The following SLC9D1 variants were observed in gnomAD, a reference collection of about 807,000 sequenced individuals.
SLC9D1 encodes solute carrier family 9 member D1, also known as putative LAG1-interacting protein.
At chr13:113,527,566 A>G in the SLC9D1 span, 1 of 152,186 alleles carries the variant, frequency 6.6e-6, no homozygotes, top group African/African-American at 2.4e-5. Flanking sequence ...TCTCGAAGGA[A>G]TGAGGGGTTT....
At chr13:113,513,298 CAA>C in the SLC9D1 span, among the ~76,000 whole-genome samples, 1 of 152,126 alleles carries the variant, frequency 6.6e-6, no homozygotes, top group African/African-American at 2.4e-5. Context: ...TTCTGATGTG[CAA>C]AGACCCCAGA....
the SLC9D1 span, among the ~76,000 whole-genome samples, chr13:113,508,401 G>A: frequency 3.9e-5 from 6 of 152,368 alleles, no homozygotes; most frequent in Admixed American, 3.3e-4. Context: ...TGCAGCCAGC[G>A]TGGACAGCAC....
the SLC9D1 span, chr13:113,501,666 A>G: frequency 2.9e-6 from 3 of 1,040,392 alleles, no homozygotes; most frequent in Middle Eastern, 2.1e-4. Context: ...TCGGGGAACT[A>G]CGTCCTGTTC....
the SLC9D1 span, among the ~76,000 whole-genome samples, chr13:113,493,239 A>C: frequency 6.6e-6 from 1 of 152,244 alleles, no homozygotes; most frequent in Non-Finnish European, 1.5e-5. Context: ...AAGGAACCAG[A>C]AATGAACATA....
the SLC9D1 span, among the ~76,000 whole-genome samples, chr13:113,499,393 G>A: frequency 6.6e-6 from 1 of 152,162 alleles, no homozygotes; most frequent in Admixed American, 6.5e-5. Flanking sequence ...AGCCCAGTAG[G>A]TTTCATCCTC....
chr13:113,500,208 A>G, the SLC9D1 span: 327 of 1,164,710 alleles, frequency 2.8e-4, 2 homozygotes, highest in African/African-American at 4.8e-3. Flanking sequence ...TGGTGTCAGT[A>G]TGACCGAGCT....
At chr13:113,516,574 AAAAAAG>A in the SLC9D1 span, among the ~76,000 whole-genome samples, 3 of 150,520 alleles carry the variant, frequency 2.0e-5, no homozygotes, top group African/African-American at 4.9e-5. Flanking sequence ...TCAAAAAAAA[AAAAAAG>A]AAAAGAAAAG....
At chr13:113,501,091 G>C in the SLC9D1 span, among the ~76,000 whole-genome samples, 1 of 152,168 alleles carries the variant, frequency 6.6e-6, no homozygotes, top group Non-Finnish European at 1.5e-5. Flanking sequence ...TCATGGCAAA[G>C]CCACGTGAAT....
At chr13:113,503,402 T>A in the SLC9D1 span, 4 of 752,694 alleles carry the variant, frequency 5.3e-6, no homozygotes, top group Non-Finnish European at 9.1e-6. Flanking sequence ...TTTTGGATAC[T>A]TCCACCGGGC....
the SLC9D1 span, chr13:113,549,667 C>A: frequency 9.3e-7 from 1 of 1,073,628 alleles, no homozygotes; most frequent in Non-Finnish European, 1.5e-6. Context: ...AGCGTCAGTG[C>A]AGTCGTGTTA....
chr13:113,540,631 A>T, the SLC9D1 span, among the ~76,000 whole-genome samples: 1 of 152,252 alleles, frequency 6.6e-6, no homozygotes, highest in Non-Finnish European at 1.5e-5. Context: ...GATTATAGAT[A>T]TAAGACCTTT....
the SLC9D1 span, among the ~76,000 whole-genome samples, chr13:113,546,470 A>G: frequency 6.6e-6 from 1 of 152,102 alleles, no homozygotes; most frequent in Non-Finnish European, 1.5e-5. The surrounding 1 kb of genome is among the most constrained non-coding windows in gnomAD (Gnocchi z 7.1). Context: ...GTGGCCAGAG[A>G]AGGCAGCCCT....
the SLC9D1 span, chr13:113,503,509 T>C: frequency 6.8e-6 from 11 of 1,612,702 alleles, no homozygotes; most frequent in Non-Finnish European, 9.3e-6. Flanking sequence ...ATTGTGCAAG[T>C]GGAGACATTA....
the SLC9D1 span, among the ~76,000 whole-genome samples, chr13:113,517,552 C>A: frequency 2.6e-4 from 39 of 152,122 alleles, no homozygotes; most frequent in Non-Finnish European, 8.8e-5. Flanking sequence ...TGAACGTCCA[C>A]CAAGAGATGA....
chr13:113,504,341 A>AT, the SLC9D1 span: 2 of 152,088 alleles, frequency 1.3e-5, no homozygotes, highest in East Asian at 1.9e-4. Flanking sequence ...TTAATTTAAA[A>AT]TTTTTTTATT....
chr13:113,520,998 C>T, the SLC9D1 span, among the ~76,000 whole-genome samples: 16 of 152,008 alleles, frequency 1.1e-4, no homozygotes, highest in African/African-American at 3.4e-4. Context: ...ATGGAGTAGT[C>T]AGGAGGAATG....
At chr13:113,508,595 T>C in the SLC9D1 span, among the ~76,000 whole-genome samples, 4 of 152,144 alleles carry the variant, frequency 2.6e-5, no homozygotes, top group Admixed American at 2.6e-4. Flanking sequence ...AGTAGAGACT[T>C]ACCTGAGTCT....
the SLC9D1 span, among the ~76,000 whole-genome samples, chr13:113,517,841 G>C: frequency 6.6e-6 from 1 of 150,582 alleles, no homozygotes; most frequent in Non-Finnish European, 1.5e-5. Flanking sequence ...ACAGCACGGG[G>C]TTTACAGACC....
At chr13:113,545,611 G>C in the SLC9D1 span, 2 of 151,654 alleles carry the variant, frequency 1.3e-5, no homozygotes, top group Middle Eastern at 3.4e-3. Flanking sequence ...GCTCAGGCAG[G>C]GGTGGAGTGA....
Sources: gnomAD v4.1 joint callset for allele counts (sites outside exome capture counted in the v4.1 genomes callset) on GRCh38, gnomAD v4.1.1 for gene constraint, Gnocchi (gnomAD v3.1) non-coding constraint, MANE v1.5 for transcripts, NCBI Gene and HGNC (gene_info 2026-07-23, HGNC 2026-07-21) for gene names.